Variants in PCDHGB4 observed in about 807,000 individuals in gnomAD.
PCDHGB4 encodes protocadherin gamma-B4.
A neutral mutation model predicts 60.5 loss-of-function variants in PCDHGB4; 38 were observed. The observed-to-expected ratio is 0.63, with a 90% CI of 0.48 to 0.82. The LOEUF (loss-of-function observed/expected upper bound fraction) is 0.82, where lower values mean the gene tolerates loss of function less well. Among genes scored for constraint, PCDHGB4 ranks in the 40% least tolerant of loss-of-function variants. PCDHGB4 has a pLI of 0.00. For synonymous variants in PCDHGB4, 456 were observed against 509.7 expected, an observed-to-expected ratio of 0.89 and a Z score of 1.42; for missense variants, 1,109 against 1,209.6, an observed-to-expected ratio of 0.92 and a Z score of 1.23.
intron 1 of PCDHGB4, chr5:141,399,149 C>A: frequency 6.2e-7 from 1 of 1,613,772 alleles, no homozygotes; most frequent in Non-Finnish European, 8.5e-7. Flanking sequence ...GACAATAGCC[C>A]AGAAGTTACA....
chr5:141,433,038 C>A, intron 1 of PCDHGB4: 3 of 1,614,180 alleles, frequency 1.9e-6, no homozygotes, highest in Non-Finnish European at 2.5e-6. Flanking sequence ...GTTTCCCTCA[C>A]CACGGACTCG....
intron 3 of PCDHGB4, among the ~76,000 whole-genome samples, chr5:141,505,956 T>C (rs1177913983): frequency 6.6e-6 from 1 of 152,102 alleles, no homozygotes; most frequent in Non-Finnish European, 1.5e-5. Flanking sequence ...TGAAAGTGGG[T>C]GTAGAAATCC....
intron 1 of PCDHGB4, among the ~76,000 whole-genome samples, chr5:141,484,797 G>C (rs1228143036): frequency 6.6e-6 from 1 of 152,064 alleles, no homozygotes; most frequent in Non-Finnish European, 1.5e-5. Flanking sequence ...ATAACAACCC[G>C]TGGAAAAACA....
Position 141,485,486 on chromosome 5 carries a change from C to T in PCDHGB4, c.2398-9321C>T, listed in dbSNP as rs2099614522. 6 of 1,614,102 alleles carry T rather than the reference C, an allele frequency of 3.7e-6. No individual in the cohort carries two copies. The highest frequency in any genetic ancestry group is 2.2e-5 in the East Asian group (1 of 44,866). The stretch of plus-strand genomic sequence containing the variant: ...TGGGCTCAGTGCCAGCTGCATCGTG[C>T]CCCTGGAGTTTGTCACCGAAGGTCC... On this transcript the variant is annotated intron_variant, in intron 1 of 3. Coordinates refer to ENST00000519479, the MANE Select transcript of PCDHGB4 (RefSeq NM_003736.4). This position sits in a 1 kb window ranked among gnomAD's most constrained non-coding sequence, Gnocchi z 5.7.
chr5:141,414,378 C>T lies in PCDHGB4; in HGVS notation c.2397+24097C>T, dbSNP rs958748519. ...ATCTACCATTTAAATTAGAAAAGTC[C>T]ATTGACAGTTATTACAGATTGGTGA... On this transcript the variant is annotated intron_variant, in intron 1 of 3. Coordinates refer to ENST00000519479, the MANE Select transcript of PCDHGB4 (RefSeq NM_003736.4). 3.1e-6 allele frequency: 5 copies of T among 1,613,736 alleles called. No individual in the cohort carries two copies. In the African/African-American group the frequency reaches 5.3e-5, roughly 17 times the overall value.
intron 3 of PCDHGB4, among the ~76,000 whole-genome samples, chr5:141,506,621 G>A (rs143369587): frequency 1.3e-5 from 2 of 152,178 alleles, no homozygotes; most frequent in African/African-American, 4.8e-5. Flanking sequence ...GTGTTACCAG[G>A]GCCAAATGCA....
intron 1 of PCDHGB4, chr5:141,394,431 C>G: frequency 1.2e-6 from 2 of 1,614,252 alleles, no homozygotes; most frequent in Non-Finnish European, 1.7e-6. Context: ...CAGCGGGGAC[C>G]CGCCCCTCAG....
chr5:141,407,873 A>T (rs561323423), intron 1 of PCDHGB4: 1 of 354,686 alleles, frequency 2.8e-6, no homozygotes, highest in Non-Finnish European at 5.1e-6. Flanking sequence ...CGAAGAATAT[A>T]TACATTTCGG....
intron 1 of PCDHGB4, among the ~76,000 whole-genome samples, chr5:141,429,369 G>A (rs1368624471): frequency 6.7e-6 from 1 of 148,994 alleles, no homozygotes; most frequent in Non-Finnish European, 1.5e-5. Context: ...AGAAAATGGA[G>A]AAAATGTGTT....
intron 1 of PCDHGB4, chr5:141,478,229 T>C: frequency 6.2e-7 from 1 of 1,614,074 alleles, no homozygotes; most frequent in Non-Finnish European, 8.5e-7. Flanking sequence ...TTCTGTGGGG[T>C]TTGTGGTCAC....
At position 141,415,039 on chromosome 5, in the gene PCDHGB4, G is replaced by T. The variant is rs761101620; in HGVS notation, c.2397+24758G>T. ...CAAGGCCAGCGAGCCGGGACTCTTC[G>T]CGGTGGGGGAGCACACGGGCGAGGT... On this transcript the variant is annotated intron_variant, in intron 1 of 3. Transcript: ENST00000519479. The T allele has an allele frequency of 3.1e-6, 5 of 1,613,342 alleles. No homozygotes were observed. The highest frequency in any genetic ancestry group is 3.4e-6 in the Non-Finnish European group (4 of 1,179,934).
chr5:141,477,861 G>T lies in PCDHGB4; in HGVS notation c.2398-16946G>T. 6.2e-7 allele frequency: 1 copy of T among 1,612,714 alleles called. No homozygotes were observed. Among genetic ancestry groups the T allele is most frequent in the Non-Finnish European group, 8.5e-7 (1 of 1,179,590 alleles). ...GGGAGCTCGGTGGAGATGCTGCCTC[G>T]AGGTACCTCAGCTGGCCACCTAGTG... On this transcript the variant is annotated intron_variant, in intron 1 of 3. Coordinates refer to ENST00000519479, the MANE Select transcript of PCDHGB4 (RefSeq NM_003736.4). This position sits in a 1 kb window ranked among gnomAD's most constrained non-coding sequence, Gnocchi z 4.9.
intron 1 of PCDHGB4, chr5:141,399,620 C>T: frequency 6.2e-7 from 1 of 1,613,940 alleles, no homozygotes; most frequent in Non-Finnish European, 8.5e-7. Flanking sequence ...CTGGCACTGG[C>T]CTCTTACGTG....
intron 1 of PCDHGB4, among the ~76,000 whole-genome samples, chr5:141,454,750 T>C (rs992030704): frequency 1.3e-5 from 2 of 150,108 alleles, no homozygotes; most frequent in Admixed American, 6.7e-5. Flanking sequence ...GAGGCCAAAC[T>C]AATCTTGACA....
chr5:141,461,216 T>C (rs1050704259), intron 1 of PCDHGB4, among the ~76,000 whole-genome samples: 2 of 152,168 alleles, frequency 1.3e-5, no homozygotes, highest in African/African-American at 4.8e-5. Flanking sequence ...ATCTCCATAC[T>C]GTTTTCCATA....
chr5:141,389,757 C>A lies in PCDHGB4; in HGVS notation c.1873C>A (p.Arg625Ser). 6.2e-7 allele frequency: 1 copy of A among 1,612,818 alleles called. No homozygotes were observed. Among genetic ancestry groups the A allele is most frequent in the East Asian group, 2.2e-5 (1 of 44,870 alleles). ...FSLGLRTGEV[R>S]TARALGDRDA... ...CCTGGGGCTGCGCACGGGCGAAGTG[C>A]GCACAGCGCGTGCCTTAGGCGACAG... The change falls in exon 1 of 4, where the codon CGC (arginine) becomes AGC (serine). Residue 625 changes from arginine (R) to serine (S), a missense_variant. Arg to Ser is a moderately radical substitution (Grantham distance 110). Around this residue, in one of 2 missense-constraint regions of PCDHGB4, gnomAD observed 1,068 missense variants for 1,089.9 expected, o/e 0.98. Coordinates refer to ENST00000519479, the MANE Select transcript of PCDHGB4 (RefSeq NM_003736.4).
rs1199756501 is a variant in PCDHGB4 at position 141,493,222 on chromosome 5, C to A, written c.2398-1585C>A. Among the ~76,000 whole-genome samples the A allele has an allele frequency of 6.6e-6, 1 of 152,194 alleles. No individual in the cohort carries two copies. Among genetic ancestry groups the A allele is most frequent in the East Asian group, 1.9e-4 (1 of 5,196 alleles). ...ACCTCATCTCATTTGCTCTTCCCAC[C>A]ATTGCTGTTGGCTAGGTACTAACAT... On this transcript the variant is annotated intron_variant, in intron 1 of 3. Coordinates refer to ENST00000519479, the MANE Select transcript of PCDHGB4 (RefSeq NM_003736.4). This position sits in a 1 kb window ranked among gnomAD's most constrained non-coding sequence, Gnocchi z 4.3.
At position 141,490,490 on chromosome 5, in the gene PCDHGB4, C is replaced by T; in HGVS notation, c.2398-4317C>T. 1 of 1,614,184 alleles carries T rather than the reference C, an allele frequency of 6.2e-7. No homozygotes were observed. The highest frequency in any genetic ancestry group is 8.5e-7 in the Non-Finnish European group (1 of 1,180,028). The stretch of plus-strand genomic sequence containing the variant: ...AGCCAGCCTTTGGACCGGGAGGCCA[C>T]ATCCCACTATATCATCGAGCTGCTG... On this transcript the variant is annotated intron_variant, in intron 1 of 3. Coordinates refer to ENST00000519479, the MANE Select transcript of PCDHGB4 (RefSeq NM_003736.4). The surrounding 1 kb of genome is among the most constrained non-coding windows in gnomAD (Gnocchi z 5.4).
At chr5:141,404,205 A>G in intron 1 of PCDHGB4, 3 of 1,613,770 alleles carry the variant, frequency 1.9e-6, no homozygotes, top group Non-Finnish European at 1.7e-6. Context: ...GCCTCAGAAT[A>G]TAATATCACG....
Sources: allele counts gnomAD v4.1 joint callset (sites outside exome capture counted in the v4.1 genomes callset), GRCh38; gene constraint gnomAD v4.1.1; regional missense constraint gnomAD v4.1.1; non-coding constraint Gnocchi (gnomAD v3.1); transcripts MANE v1.5; gene names NCBI Gene and HGNC (gene_info 2026-07-23, HGNC 2026-07-21).